Variants in GRM8 observed in about 807,000 individuals in gnomAD.
GRM8 encodes the protein glutamate metabotropic receptor 8.
A neutral mutation model predicts 87.2 loss-of-function variants in GRM8; 47 were observed. The observed-to-expected ratio is 0.54, with a 90% CI of 0.43 to 0.69. The LOEUF (loss-of-function observed/expected upper bound fraction) is 0.69, where lower values mean the gene tolerates loss of function less well. Among genes scored for constraint, GRM8 ranks in the 30% least tolerant of loss-of-function variants. GRM8 has a pLI of 0.00. For synonymous variants in GRM8, 396 were observed against 404.5 expected (o/e 0.98, Z 0.25); for missense variants, 1,019 against 1,139.2 (o/e 0.89, Z 1.52).
intron 7 of GRM8, among the ~76,000 whole-genome samples, chr7:126,618,441 C>T (rs1799761091): frequency 6.6e-6 from 1 of 152,154 alleles, no homozygotes; most frequent in South Asian, 2.1e-4. Flanking sequence ...AAAACCTGGG[C>T]AATACCATTC....
chr7:126,551,515 A>G (rs936595876), intron 8 of GRM8, among the ~76,000 whole-genome samples: 1 of 152,188 alleles, frequency 6.6e-6, no homozygotes, highest in African/African-American at 2.4e-5. Flanking sequence ...CTTATGAACT[A>G]GAACATTTCC....
At chr7:126,867,160 G>C (rs1360387054) in intron 6 of GRM8, among the ~76,000 whole-genome samples, 1 of 152,112 alleles carries the variant, frequency 6.6e-6, no homozygotes, top group East Asian at 1.9e-4. Context: ...ATGGTTAACA[G>C]AACTAAAAGG....
intron 6 of GRM8, among the ~76,000 whole-genome samples, chr7:126,898,982 A>G (rs1036071326): frequency 6.6e-6 from 1 of 151,644 alleles, no homozygotes; most frequent in African/African-American, 2.4e-5. Context: ...CTCTGTGTCC[A>G]TATGTTCTCA....
intron 5 of GRM8, among the ~76,000 whole-genome samples, chr7:126,903,737 A>G (rs547163908): frequency 4.0e-5 from 5 of 123,654 alleles, no homozygotes; most frequent in South Asian, 5.2e-4. Flanking sequence ...GTATATGTGT[A>G]TATATATATG....
intron 2 of GRM8, among the ~76,000 whole-genome samples, chr7:127,128,859 C>T (rs1055725996): frequency 1.3e-5 from 2 of 152,106 alleles, no homozygotes; most frequent in African/African-American, 4.8e-5. Context: ...TTGTTCTTCT[C>T]CAGTCAGCTT....
chr7:126,720,383 C>T (rs1011068436), intron 7 of GRM8, among the ~76,000 whole-genome samples: 2 of 152,012 alleles, frequency 1.3e-5, no homozygotes, highest in African/African-American at 4.8e-5. Flanking sequence ...CTCAAGCGAT[C>T]CTCCTGCCTC....
At chr7:127,156,725 C>T (rs1386945402) in intron 2 of GRM8, among the ~76,000 whole-genome samples, 1 of 152,068 alleles carries the variant, frequency 6.6e-6, no homozygotes, top group South Asian at 2.1e-4. Context: ...CCCAATAAAT[C>T]AGAACTAATG....
At chr7:127,047,932 A>C (rs533463320) in intron 3 of GRM8, among the ~76,000 whole-genome samples, 4 of 152,346 alleles carry the variant, frequency 2.6e-5, no homozygotes, top group African/African-American at 9.6e-5. Context: ...AGTGATAACC[A>C]ATATATAGCT....
At chr7:127,132,101 C>T (rs1180798268) in intron 2 of GRM8, among the ~76,000 whole-genome samples, 1 of 152,190 alleles carries the variant, frequency 6.6e-6, no homozygotes, top group Non-Finnish European at 1.5e-5. Flanking sequence ...TGGCAAGCTA[C>T]AATCAGCCTT....
intron 3 of GRM8, among the ~76,000 whole-genome samples, chr7:127,081,247 T>C (rs1822837960): frequency 6.6e-6 from 1 of 152,148 alleles, no homozygotes; most frequent in African/African-American, 2.4e-5. Context: ...TGTGCCCCAG[T>C]CACACTGAAC....
At chr7:126,647,255 A>C (rs1803217304) in intron 7 of GRM8, among the ~76,000 whole-genome samples, 1 of 151,810 alleles carries the variant, frequency 6.6e-6, no homozygotes, top group African/African-American at 2.4e-5. Context: ...ATTTATTGTG[A>C]AGGATTTAGG....
chr7:126,943,691 G>A (rs532713192), intron 3 of GRM8, among the ~76,000 whole-genome samples: 7 of 152,182 alleles, frequency 4.6e-5, no homozygotes, highest in Non-Finnish European at 1.0e-4. Context: ...CATTGACGCC[G>A]TGTATGTGCA....
chr7:126,527,125 G>A (rs867822866), intron 9 of GRM8, among the ~76,000 whole-genome samples: 6 of 152,178 alleles, frequency 3.9e-5, no homozygotes, highest in African/African-American at 1.2e-4. Context: ...TTGGGAGGCC[G>A]AGGCGGGTGG....
At chr7:127,166,930 G>C (rs1793487029) in intron 2 of GRM8, among the ~76,000 whole-genome samples, 1 of 152,110 alleles carries the variant, frequency 6.6e-6, no homozygotes, top group Admixed American at 6.6e-5. Flanking sequence ...ACTTTACCCT[G>C]ATCAAAGGAA....
At chr7:126,578,465 G>C (rs910420894) in intron 8 of GRM8, among the ~76,000 whole-genome samples, 17 of 152,172 alleles carry the variant, frequency 1.1e-4, no homozygotes, top group African/African-American at 4.1e-4. Flanking sequence ...GTGTCTGCTA[G>C]CTCCATGAGC....
chr7:126,550,694 T>A (rs1792492461), intron 8 of GRM8, among the ~76,000 whole-genome samples: 1 of 152,012 alleles, frequency 6.6e-6, no homozygotes. Flanking sequence ...AAAATTTGTA[T>A]TATTCAATGT....
intron 9 of GRM8, among the ~76,000 whole-genome samples, chr7:126,486,560 A>G (rs752046511): frequency 6.6e-6 from 1 of 152,180 alleles, no homozygotes; most frequent in South Asian, 2.1e-4. Context: ...CGTAAGCTAC[A>G]TATATAGATC....
intron 3 of GRM8, among the ~76,000 whole-genome samples, chr7:126,941,443 TAA>T (rs11453714): frequency 8.7e-4 from 112 of 128,866 alleles, no homozygotes; most frequent in South Asian, 4.6e-3. Context: ...CCATCTCTAC[TAA>T]AAAAAAAAAA....
chr7:126,826,668 C>T (rs1794834844), intron 6 of GRM8, among the ~76,000 whole-genome samples: 2 of 152,018 alleles, frequency 1.3e-5, no homozygotes, highest in African/African-American at 2.4e-5. Flanking sequence ...TTGTAGGTTG[C>T]CTGTTCACTC....
Sources: allele counts gnomAD v4.1 joint callset (sites outside exome capture counted in the v4.1 genomes callset), GRCh38; gene constraint gnomAD v4.1.1; transcripts MANE v1.5; gene names NCBI Gene and HGNC (gene_info 2026-07-23, HGNC 2026-07-21).